Variants in DIAPH2 observed in about 807,000 individuals in gnomAD.
The protein encoded by DIAPH2 is protein diaphanous homolog 2.
A neutral mutation model predicts 92.7 loss-of-function variants in DIAPH2; 35 were observed. The ratio of observed to expected loss-of-function variants is 0.38; its 90% CI spans 0.29 to 0.50. The LOEUF (loss-of-function observed/expected upper bound fraction) is 0.50, where lower values mean the gene tolerates loss of function less well. DIAPH2 is among the 20% of genes least tolerant of loss of function. The pLI is 0.94. For missense variants in DIAPH2, 701 were observed against 819.5 expected (o/e 0.86, Z 1.77); for synonymous variants, 301 against 280.4 (o/e 1.07, Z -0.73).
intron 15 of DIAPH2, among the ~76,000 whole-genome samples, chrX:96,950,405 G>A (rs1397142395): frequency 9.0e-6 from 1 of 111,414 alleles, no homozygotes; most frequent in Non-Finnish European, 1.9e-5. Context: ...CCTCAAACCA[G>A]TTTGTTGTCC....
intron 21 of DIAPH2, among the ~76,000 whole-genome samples, chrX:97,131,024 TGA>T (rs2067134312): frequency 9.1e-6 from 1 of 110,342 alleles, no homozygotes; most frequent in Non-Finnish European, 1.9e-5. Flanking sequence ...AAGGATTACC[TGA>T]GCCTGGGAGG....
chrX:97,024,081 A>T (rs190489913), intron 17 of DIAPH2, among the ~76,000 whole-genome samples: 1 of 112,091 alleles, frequency 8.9e-6, no homozygotes, highest in East Asian at 2.8e-4. Context: ...CAATACAGTG[A>T]GATGGATACT....
intron 22 of DIAPH2, among the ~76,000 whole-genome samples, chrX:97,178,133 G>T (rs2067507982): frequency 9.1e-6 from 1 of 110,215 alleles, no homozygotes; most frequent in Non-Finnish European, 1.9e-5. Flanking sequence ...GCCTTGGGGG[G>T]AATGCTGATG....
intron 26 of DIAPH2, among the ~76,000 whole-genome samples, chrX:97,527,918 A>G (rs959692846): frequency 8.9e-6 from 1 of 111,865 alleles, no homozygotes; most frequent in Non-Finnish European, 1.9e-5. Context: ...GTTTTGTAGT[A>G]CAACTGTTGT....
chrX:97,569,228 G>C (rs891990577), intron 26 of DIAPH2, among the ~76,000 whole-genome samples: 2 of 111,962 alleles, frequency 1.8e-5, no homozygotes, highest in Non-Finnish European at 3.8e-5. Context: ...CATGATATCA[G>C]CAGCTTTGAG....
intron 25 of DIAPH2, among the ~76,000 whole-genome samples, chrX:97,410,437 A>G (rs1454559716): frequency 9.8e-5 from 11 of 112,113 alleles, no homozygotes; most frequent in African/African-American, 3.2e-4. Context: ...ATGTAGAGAA[A>G]ACCACAAAGA....
intron 26 of DIAPH2, among the ~76,000 whole-genome samples, chrX:97,465,810 T>C (rs192824074): frequency 0.012 from 1,331 of 111,801 alleles, 7 homozygotes; most frequent in Non-Finnish European, 0.019. Context: ...TGCCTCAGCC[T>C]CCCAAGTAGC....
At chrX:96,915,324 T>C (rs1260946225) in intron 7 of DIAPH2, among the ~76,000 whole-genome samples, 1 of 111,151 alleles carries the variant, frequency 9.0e-6, no homozygotes, top group Non-Finnish European at 1.9e-5. Flanking sequence ...CTAATATTCA[T>C]TACTTTTAAT....
chrX:97,352,174 T>C (rs963468471), intron 24 of DIAPH2, among the ~76,000 whole-genome samples: 10 of 111,207 alleles, frequency 9.0e-5, no homozygotes, highest in African/African-American at 3.2e-4. Context: ...TTCTGATGCA[T>C]GTGCTACCAA....
chrX:96,866,524 T>A (rs760458585), intron 4 of DIAPH2, among the ~76,000 whole-genome samples: 1 of 111,795 alleles, frequency 8.9e-6, no homozygotes, highest in East Asian at 2.8e-4. Context: ...TTATCTTGTC[T>A]TGTTTAAAGG....
At chrX:96,970,438 C>T (rs945625325) in intron 17 of DIAPH2, among the ~76,000 whole-genome samples, 3 of 110,393 alleles carry the variant, frequency 2.7e-5, no homozygotes, top group East Asian at 5.7e-4. Context: ...TTGTCTGTTC[C>T]GGGTTTCAGC....
At chrX:97,456,298 A>G (rs2070404267) in intron 26 of DIAPH2, among the ~76,000 whole-genome samples, 1 of 109,476 alleles carries the variant, frequency 9.1e-6, no homozygotes, top group Admixed American at 9.8e-5. Context: ...GAGGCAGGAG[A>G]GTGGCGTGAA....
rs773532093 is a variant in DIAPH2, at chrX:97,099,800, G to T, written c.2349+5G>T. The T allele has an allele frequency of 9.1e-7, 1 of 1,099,873 alleles. No individual in the cohort carries two copies. The highest frequency in any genetic ancestry group is 1.2e-6 in the Non-Finnish European group (1 of 823,284). 90.6% of individuals were successfully genotyped at this position (1,099,873 alleles called of 1,213,427 possible). A position where few individuals can be genotyped will look rare whatever the true frequency, so the allele number is the denominator to read the frequency against. On this transcript the variant is annotated splice_donor_5th_base_variant and intron_variant, in intron 20 of 26. Coordinates refer to ENST00000324765, the MANE Select transcript of DIAPH2 (RefSeq NM_006729.5). ...CCTGAACAATTTGGAGTTGTGGTAT[G>T]TATCCAACATGAGGGACCACAAACT...
At chrX:97,281,702 C>A (rs2147600791) in intron 23 of DIAPH2, among the ~76,000 whole-genome samples, 1 of 108,213 alleles carries the variant, frequency 9.2e-6, no homozygotes, top group East Asian at 2.9e-4. Context: ...CAAGACCGCA[C>A]CACTGCACTC....
chrX:96,909,268 C>T (rs2065454328), intron 5 of DIAPH2, among the ~76,000 whole-genome samples: 2 of 111,314 alleles, frequency 1.8e-5, no homozygotes, highest in East Asian at 2.8e-4. Context: ...AGAATTTCTG[C>T]CCACATGCTC....
At chrX:97,346,831 A>G (rs767241941) in intron 23 of DIAPH2, among the ~76,000 whole-genome samples, 2 of 111,214 alleles carry the variant, frequency 1.8e-5, no homozygotes, top group East Asian at 5.7e-4. Context: ...CTCTGAAATG[A>G]GGGTCTTATA....
chrX:97,332,829 T>C (rs2069013644), intron 23 of DIAPH2, among the ~76,000 whole-genome samples: 1 of 111,630 alleles, frequency 9.0e-6, no homozygotes, highest in African/African-American at 3.3e-5. Flanking sequence ...CATTTCTAAG[T>C]AATTTCATAA....
chrX:96,876,336 G>A (rs1055993078), intron 4 of DIAPH2, among the ~76,000 whole-genome samples: 11 of 112,089 alleles, frequency 9.8e-5, no homozygotes, highest in African/African-American at 3.6e-4. Flanking sequence ...TTCAACCACT[G>A]TGGAAGACAG....
intron 22 of DIAPH2, among the ~76,000 whole-genome samples, chrX:97,201,131 A>ACCCCC (rs58996513): frequency 4.6e-4 from 32 of 68,892 alleles, no homozygotes; most frequent in African/African-American, 1.6e-3. Flanking sequence ...AACAAGAAAG[A>ACCCCC]CCCCCCCCCC....
Sources: gnomAD v4.1 joint callset for allele counts (sites outside exome capture counted in the v4.1 genomes callset) on GRCh38, gnomAD v4.1.1 for gene constraint, MANE v1.5 for transcripts, NCBI Gene and HGNC (gene_info 2026-07-23, HGNC 2026-07-21) for gene names.